SLC39A14: variants seen among roughly 807,000 people sequenced by gnomAD.
The protein encoded by SLC39A14 is solute carrier family 39 member 14.
A neutral mutation model predicts 45.5 loss-of-function variants in SLC39A14; 19 were observed. The ratio of observed to expected loss-of-function variants is 0.42; its 90% CI spans 0.29 to 0.61. The LOEUF is 0.61. Ranked by LOEUF, SLC39A14 falls within the 20% of genes least tolerant of loss-of-function variation. The probability of loss-of-function intolerance (pLI) is 0.22; values close to 1 mark genes in which losing one functional copy is unlikely to be tolerated. For missense variants in SLC39A14, 447 were observed against 616.5 expected, an observed-to-expected ratio of 0.73 and a Z score of 2.91; for synonymous variants, 264 against 251.3, an observed-to-expected ratio of 1.05 and a Z score of -0.48.
At chr8:22,423,666 A>G (rs1039875869), downstream of SLC39A14, among the ~76,000 whole-genome samples, 64 of 151,658 alleles carry the variant, frequency 4.2e-4, no homozygotes, top group African/African-American at 1.3e-3. Flanking sequence ...GGGTTGCGCC[A>G]TGTTGGCCAG....
Position 22,410,930 on chromosome 8 carries a change from A to G in SLC39A14, c.458-1107A>G, listed in dbSNP as rs148928944. Among the ~76,000 whole-genome samples, 982 of 152,270 alleles carry G rather than the reference A, an allele frequency of 6.4e-3. 10 individuals are homozygous for G. The highest frequency in any genetic ancestry group is 0.023 in the African/African-American group (945 of 41,552). ...GGAGTCATGGATGCTGCCCTTCACAAAGATCCCATGTCAGCTGCTTCTCAG... is the reference window on the plus strand; with the variant it reads ...GGAGTCATGGATGCTGCCCTTCACAGAGATCCCATGTCAGCTGCTTCTCAG... On this transcript the variant is annotated intron_variant, in intron 3 of 8. Transcript: ENST00000381237.
chr8:22,402,246 G>T lies in SLC39A14; in HGVS notation c.-15-2450G>T, dbSNP rs183174199. Reference sequence around the variant, plus strand: ...AATACAAAAACAAAATTAGCCGGGCGTGGTGGCAGGTGCCTGTAGTCCCAG... The same window carrying T: ...AATACAAAAACAAAATTAGCCGGGCTTGGTGGCAGGTGCCTGTAGTCCCAG... On this transcript the variant is annotated intron_variant, in intron 1 of 8. Transcript: ENST00000381237. Among the ~76,000 whole-genome samples, 7 of 152,064 alleles carry T rather than the reference G, an allele frequency of 4.6e-5. No individual in the cohort carries two copies. In the East Asian group the frequency reaches 1.4e-3, roughly 29 times the overall value.
intron 1 of SLC39A14, among the ~76,000 whole-genome samples, chr8:22,368,779 G>A (rs1321558778): frequency 6.6e-6 from 1 of 151,884 alleles, no homozygotes; most frequent in African/African-American, 2.4e-5. Context: ...CTCGTGATCC[G>A]CCCACCTCAG....
chr8:22,415,742 G>T, intron 5 of SLC39A14, 27 bp from the exon 6 acceptor site: 1 of 1,600,960 alleles, frequency 6.2e-7, no homozygotes, highest in South Asian at 1.1e-5. Flanking sequence ...TGAATGTCAT[G>T]CTGATCCCTC....
Position 22,422,040 on chromosome 8 carries a change from T to A in SLC39A14, c.*2342T>A, listed in dbSNP as rs1359533667. 3 of 985,462 alleles carry A rather than the reference T, an allele frequency of 3.0e-6. No homozygotes were observed. The East Asian group carries it at 3.4e-4, about 112-fold the overall frequency. 61.0% of individuals were successfully genotyped at this position (985,462 alleles called of 1,614,324 possible). ...AGTCGCCACTGATTGTGGCAACAGC[T>A]TTGCCTCATGAGTCAAAAATTGGCA... is the stretch of plus-strand genomic sequence containing the variant. On this transcript the variant is annotated 3_prime_UTR_variant, in exon 9 of 9. Transcript: ENST00000381237.
intron 2 of SLC39A14, among the ~76,000 whole-genome samples, chr8:22,406,294 C>CA (rs1835205000): frequency 6.6e-6 from 1 of 150,878 alleles, no homozygotes; most frequent in African/African-American, 2.5e-5. Context: ...ACTAAAAATA[C>CA]AAAAATTAGC....
chr8:22,418,144 C>T (rs1254934652), intron 8 of SLC39A14, among the ~76,000 whole-genome samples: 4 of 152,174 alleles, frequency 2.6e-5, no homozygotes, highest in African/African-American at 4.8e-5. Flanking sequence ...CTCAGGTGAT[C>T]CACCCGCCTC....
chr8:22,422,997 T>C (rs1290645993), downstream of SLC39A14, among the ~76,000 whole-genome samples: 3 of 151,276 alleles, frequency 2.0e-5, no homozygotes, highest in African/African-American at 7.3e-5. Context: ...CTAAATTTTG[T>C]ATTTTTAGTA....
intron 3 of SLC39A14, among the ~76,000 whole-genome samples, chr8:22,408,796 G>A (rs942930264): frequency 4.6e-5 from 7 of 151,056 alleles, no homozygotes; most frequent in African/African-American, 1.7e-4. Flanking sequence ...AACCACGGGG[G>A]CCCAACCCTT....
At chr8:22,408,852 G>A (rs1486685164) in intron 3 of SLC39A14, among the ~76,000 whole-genome samples, 5 of 142,732 alleles carry the variant, frequency 3.5e-5, no homozygotes, top group African/African-American at 8.0e-5. Flanking sequence ...ATAGGATGTC[G>A]CTCTGTCTCC....
At chr8:22,388,356 C>T (rs530348031) in intron 1 of SLC39A14, among the ~76,000 whole-genome samples, 6 of 152,090 alleles carry the variant, frequency 3.9e-5, no homozygotes, top group African/African-American at 7.2e-5. Context: ...AGTCCTGTGG[C>T]GGGGAGGAGT....
At chr8:22,372,813 T>A (rs1021959447) in intron 1 of SLC39A14, among the ~76,000 whole-genome samples, 1 of 152,002 alleles carries the variant, frequency 6.6e-6, no homozygotes, top group Admixed American at 6.6e-5. Flanking sequence ...TAAAGAAAAA[T>A]TTTTTTGAGA....
chr8:22,402,339 C>T (rs752757190), intron 1 of SLC39A14, among the ~76,000 whole-genome samples: 8 of 150,978 alleles, frequency 5.3e-5, no homozygotes, highest in Non-Finnish European at 1.2e-4. Flanking sequence ...GAGCCAAGAT[C>T]TGGCCACTGC....
At chr8:22,427,312 T>C (rs558318704), downstream of SLC39A14, among the ~76,000 whole-genome samples, 53 of 151,900 alleles carry the variant, frequency 3.5e-4, no homozygotes, top group East Asian at 4.7e-3. Flanking sequence ...AAAGAAAAAA[T>C]AGGGTTTGTC....
At chr8:22,376,136 G>T (rs1010548848) in intron 1 of SLC39A14, among the ~76,000 whole-genome samples, 15 of 152,050 alleles carry the variant, frequency 9.9e-5, no homozygotes, top group African/African-American at 3.6e-4. Flanking sequence ...AAGTGATGTT[G>T]CATCCTTTAG....
rs145411083 is a variant in SLC39A14 at position 22,409,307 on chromosome 8, C to T, written c.457+811C>T. On this transcript the variant is annotated intron_variant, in intron 3 of 8. Transcript: ENST00000381237. ...CGTGTGCTGCCTGAGTGTCGGCACC[C>T]GGAATATACTGTCTGTGTTACTGCA... Among the ~76,000 whole-genome samples the T allele has an allele frequency of 6.3e-3, 954 of 152,188 alleles. 10 individuals carry two copies. Among genetic ancestry groups the T allele is most frequent in the African/African-American group, 0.022 (916 of 41,498 alleles).
chr8:22,393,975 G>A (rs1586682616), intron 1 of SLC39A14, among the ~76,000 whole-genome samples: 1 of 150,898 alleles, frequency 6.6e-6, no homozygotes, highest in Non-Finnish European at 1.5e-5. Flanking sequence ...CCCCAGCCCT[G>A]TAATGATTTT....
At chr8:22,383,804 A>G (rs185762571) in intron 1 of SLC39A14, among the ~76,000 whole-genome samples, 7 of 152,222 alleles carry the variant, frequency 4.6e-5, no homozygotes, top group Admixed American at 1.3e-4. Flanking sequence ...CTGTATTCCA[A>G]TTCCAATGCT....
intron 1 of SLC39A14, among the ~76,000 whole-genome samples, chr8:22,392,112 A>G (rs898675085): frequency 2.0e-5 from 3 of 152,214 alleles, no homozygotes; most frequent in Non-Finnish European, 2.9e-5. Flanking sequence ...TGAGGAGTCC[A>G]TAATAGCCAG....
Sources: allele counts gnomAD v4.1 joint callset (sites outside exome capture counted in the v4.1 genomes callset), GRCh38; gene constraint gnomAD v4.1.1; transcripts MANE v1.5; gene names NCBI Gene and HGNC (gene_info 2026-07-23, HGNC 2026-07-21).